The following PKHD1 variants were observed in gnomAD, a reference collection of about 807,000 sequenced individuals.
PKHD1 encodes the protein fibrocystin.
A neutral mutation model predicts 412.0 loss-of-function variants in PKHD1; 291 were observed. That is an observed-to-expected ratio of 0.71 (90% CI 0.64 to 0.78). The LOEUF is 0.78. PKHD1 is among the 30% of genes least tolerant of loss of function. The pLI, the probability that PKHD1 is intolerant of heterozygous loss-of-function variation, is 0.00. For synonymous variants in PKHD1, 1,777 were observed against 1,821.5 expected, an observed-to-expected ratio of 0.98 and a Z score of 0.62; for missense variants, 4,825 against 4,950.7, an observed-to-expected ratio of 0.97 and a Z score of 0.76.
chr6:51,744,600 T>C (rs772150028), intron 59 of PKHD1, 58 bp from the exon 60 acceptor site: 3 of 1,303,250 alleles, frequency 2.3e-6, no homozygotes, highest in Non-Finnish European at 2.2e-6. Flanking sequence ...AAGAAGAAAA[T>C]ATACATTGGT....
chr6:52,049,721 C>A (rs1806473489), intron 22 of PKHD1, among the ~76,000 whole-genome samples: 1 of 152,072 alleles, frequency 6.6e-6, no homozygotes. Flanking sequence ...TATTTTTCTT[C>A]TCTAGACATT....
rs9463742 is a variant in PKHD1, at chr6:51,942,747, T to C, written c.5909-8425A>G. 1.7e-3 allele frequency among the ~76,000 whole-genome samples: 258 copies of C among 151,774 alleles called. 1 individual carries two copies. Among genetic ancestry groups the C allele is most frequent in the African/African-American group, 5.8e-3 (241 of 41,506 alleles). ...ACCACACACCAGCAAAGGCAGGCTA[T>C]GCTATAGTACAAGCCACTAGCCCGC... On this transcript the variant is annotated intron_variant, in intron 36 of 66. Transcript: ENST00000371117.
intron 55 of PKHD1, among the ~76,000 whole-genome samples, chr6:51,766,230 T>C (rs917041944): frequency 2.6e-5 from 4 of 152,108 alleles, no homozygotes; most frequent in African/African-American, 4.8e-5. Flanking sequence ...ATTCTGTACA[T>C]AGAGAAAAGC....
At chr6:51,792,541 T>C (rs1047866319) in intron 52 of PKHD1, among the ~76,000 whole-genome samples, 4 of 152,222 alleles carry the variant, frequency 2.6e-5, no homozygotes, top group African/African-American at 9.6e-5. Context: ...CAACCATTTC[T>C]CTTGTTTTCC....
At position 52,059,259 on chromosome 6, in the gene PKHD1, C is replaced by CTTTT. The variant is rs55992586; in HGVS notation, c.1234-662_1234-659dup. ...CTTTCTTTTTTTTCTTTTTCTTTTT[C>CTTTT]TTTTTTTTTTTTTTTTTTTTTTTTG... On this transcript the variant is annotated intron_variant, in intron 15 of 66. Transcript: ENST00000371117. Among the ~76,000 whole-genome samples the CTTTT allele has an allele frequency of 5.2e-3, 435 of 83,276 alleles. 1 individual carries two copies. The highest frequency in any genetic ancestry group is 9.5e-3 in the East Asian group (24 of 2,514). The allele number at this position is 83,276 out of a possible 152,430, so 54.6% of individuals were successfully genotyped here. A position where few individuals can be genotyped will look rare whatever the true frequency, so the allele number is the denominator to read the frequency against.
chr6:51,939,282 GC>G (rs1788082341), intron 36 of PKHD1, among the ~76,000 whole-genome samples: 1 of 149,402 alleles, frequency 6.7e-6, no homozygotes, highest in African/African-American at 2.5e-5. Flanking sequence ...GGGCAAGAAC[GC>G]CCAGACCCCT....
chr6:52,048,070 C>A (rs532992783), intron 23 of PKHD1, among the ~76,000 whole-genome samples: 1 of 152,308 alleles, frequency 6.6e-6, no homozygotes, highest in African/African-American at 2.4e-5. Flanking sequence ...TGGCCACAGC[C>A]AAGACATGCT....
chr6:51,916,239 C>T (rs1783788236), intron 37 of PKHD1, among the ~76,000 whole-genome samples: 1 of 152,150 alleles, frequency 6.6e-6, no homozygotes, highest in Admixed American at 6.5e-5. Context: ...TGGGCAATCA[C>T]TTGTAAACTC....
intron 53 of PKHD1, among the ~76,000 whole-genome samples, chr6:51,785,540 T>C (rs959611281): frequency 6.6e-5 from 10 of 152,176 alleles, no homozygotes; most frequent in African/African-American, 2.2e-4. Context: ...TCAGCCATTA[T>C]AAAAAACAAA....
intron 50 of PKHD1, among the ~76,000 whole-genome samples, chr6:51,841,579 C>G (rs181517289): frequency 6.6e-6 from 1 of 152,208 alleles, no homozygotes; most frequent in Non-Finnish European, 1.5e-5. Flanking sequence ...GGTAAAAATC[C>G]TTGGGGATCT....
chr6:51,981,484 T>C, intron 35 of PKHD1, among the ~76,000 whole-genome samples: 1 of 151,982 alleles, frequency 6.6e-6, no homozygotes, highest in Non-Finnish European at 1.5e-5. Context: ...CCTCACTGGT[T>C]TTCGTTTTTT....
At chr6:51,858,733 G>T (rs1160049406) in intron 48 of PKHD1, among the ~76,000 whole-genome samples, 6 of 152,044 alleles carry the variant, frequency 3.9e-5, no homozygotes, top group African/African-American at 1.4e-4. Context: ...TCATATAGTG[G>T]GAGTTTAACA....
intron 37 of PKHD1, among the ~76,000 whole-genome samples, chr6:51,922,585 G>A (rs953519772): frequency 5.9e-5 from 9 of 152,158 alleles, no homozygotes; most frequent in East Asian, 3.9e-4. Context: ...GCTGAGCTGC[G>A]GTGGGCTCCA....
rs1210048808 is a variant in PKHD1 at position 52,017,482 on chromosome 6, C to G, written c.5528G>C (p.Ser1843Thr). The change falls in exon 34 of 67, where the codon AGT (serine) becomes ACT (threonine). Residue 1843 changes from serine (S) to threonine (T), a missense_variant. By Grantham distance (58) the Ser-to-Thr change is moderately conservative. Coordinates refer to ENST00000371117, the MANE Select transcript of PKHD1 (RefSeq NM_138694.4). ...SWPYLYICEE[S>T]SQCLFVPDHW... is the part of the protein sequence containing the mutation. ...ATCTGGCACAAAGAGGCATTGGGAA[C>G]TTTCCTCGCAAATGTAGAGGTAAGG... The G allele has an allele frequency of 1.2e-6, 2 of 1,614,164 alleles. No individual in the cohort carries two copies. Among genetic ancestry groups the G allele is most frequent in the Non-Finnish European group, 1.7e-6 (2 of 1,179,996 alleles).
intron 47 of PKHD1, among the ~76,000 whole-genome samples, chr6:51,869,540 T>C (rs1288935138): frequency 2.0e-5 from 3 of 152,150 alleles, no homozygotes; most frequent in Non-Finnish European, 4.4e-5. Flanking sequence ...AAATAGATGG[T>C]ATTTAAGCAA....
At chr6:51,955,010 C>G (rs1364385956) in intron 36 of PKHD1, among the ~76,000 whole-genome samples, 1 of 151,972 alleles carries the variant, frequency 6.6e-6, no homozygotes, top group African/African-American at 2.4e-5. Flanking sequence ...TATGGCTCAT[C>G]ATAATTACTT....
chr6:51,767,926 C>G (rs1789399801), intron 55 of PKHD1, among the ~76,000 whole-genome samples: 1 of 152,096 alleles, frequency 6.6e-6, no homozygotes, highest in South Asian at 2.1e-4. Flanking sequence ...AGTTTACAGT[C>G]CCACCAACAG....
chr6:51,787,043 C>T (rs1792984084), intron 53 of PKHD1, among the ~76,000 whole-genome samples: 1 of 152,176 alleles, frequency 6.6e-6, no homozygotes, highest in Non-Finnish European at 1.5e-5. Flanking sequence ...CATTGATACC[C>T]TTGCCAGCAC....
rs913048487 is a variant in PKHD1 at position 51,877,060 on chromosome 6, CTAACTATCCTAAA to C, written c.7350+6020_7350+6032del. 5.4e-5 allele frequency among the ~76,000 whole-genome samples: 2 copies of C among 37,046 alleles called. 1 individual carries two copies. Among genetic ancestry groups the C allele is most frequent in the African/African-American group, 3.8e-4 (2 of 5,298 alleles). 24.3% of individuals were successfully genotyped at this position (37,046 alleles called of 152,430 possible). A position where few individuals can be genotyped will look rare whatever the true frequency, so the allele number is the denominator to read the frequency against. On this transcript the variant is annotated intron_variant, in intron 46 of 66. Transcript: ENST00000371117. ...GAAGGGATCAATTCAACAAGAGGAG[CTAACTATCCTAAA>C]TATTTATGCACCCAATACAGGAGCA...
Sources: allele counts gnomAD v4.1 joint callset (sites outside exome capture counted in the v4.1 genomes callset), GRCh38; gene constraint gnomAD v4.1.1; transcripts MANE v1.5; gene names NCBI Gene and HGNC (gene_info 2026-07-23, HGNC 2026-07-21).